The following PFKP variants were observed in gnomAD, a reference collection of about 807,000 sequenced individuals.
PFKP encodes the protein ATP-dependent 6-phosphofructokinase, platelet type.
In PFKP, 101 loss-of-function variants were observed where a neutral mutation model predicts 94.3. The observed-to-expected ratio is 1.07, with a 90% confidence interval of 0.91 to 1.26. The LOEUF (loss-of-function observed/expected upper bound fraction) is 1.26, where lower values mean the gene tolerates loss of function less well. Ranked by LOEUF, PFKP falls within the 50% of genes most tolerant of loss-of-function variation. The pLI, the probability that PFKP is intolerant of heterozygous loss-of-function variation, is 0.00. For missense variants in PFKP, 1,145 were observed against 1,103.3 expected (o/e 1.04, Z -0.53); for synonymous variants, 573 against 432.6 (o/e 1.32, Z -4.03).
intron 1 of PFKP, among the ~76,000 whole-genome samples, chr10:3,080,764 C>G (rs1442410144): frequency 6.6e-6 from 1 of 152,024 alleles, no homozygotes; most frequent in African/African-American, 2.4e-5. Context: ...AGAGAAAAAG[C>G]TGTTGTAATC....
intron 16 of PFKP, among the ~76,000 whole-genome samples, chr10:3,125,725 C>T (rs911370232): frequency 2.6e-5 from 4 of 152,240 alleles, no homozygotes; most frequent in African/African-American, 7.2e-5. Context: ...CCTGGGCAGG[C>T]GGTTTCACCA....
chr10:3,107,223 C>G lies in PFKP; in HGVS notation c.784C>G (p.Arg262Gly), dbSNP rs150395911. Residue 262 changes from arginine (R) to glycine (G), a missense_variant, in exon 8 of 22, where the codon CGG (arginine) becomes GGG (glycine). By Grantham distance (125) the Arg-to-Gly change is moderately radical (BLOSUM62 -2). This residue lies in a region of PFKP where 1,119 missense variants were observed against 1,062.8 expected (regional missense o/e 1.05). Coordinates refer to ENST00000381125, the MANE Select transcript of PFKP (RefSeq NM_002627.5). ...MCVKLSENRARKKRLNIIIVA... is the reference protein window; with the variant it reads ...MCVKLSENRAGKKRLNIIIVA... ...TTTTCTGTCTCCACAGAACCGTGCC[C>G]GGAAAAAAAGGCTGAATATTATTAT... The G allele has an allele frequency of 1.2e-6, 2 of 1,606,256 alleles. No homozygotes were observed. The highest frequency in any genetic ancestry group is 1.7e-6 in the Non-Finnish European group (2 of 1,174,130).
intron 4 of PFKP, among the ~76,000 whole-genome samples, chr10:3,103,104 T>G (rs1835180696): frequency 6.6e-6 from 1 of 152,256 alleles, no homozygotes. Context: ...GATGGCCTAG[T>G]GTCTTAGATT....
In PFKP at chr10:3,136,602, T is replaced by C. The variant is rs1345492380; in HGVS notation, c.*23T>C. On this transcript the variant is annotated 3_prime_UTR_variant, in exon 22 of 22. Transcript: ENST00000381125. The stretch of plus-strand genomic sequence containing the variant: ...TGACCCAGTCCCGCCTGCATGTGCC[T>C]GCAGCCACCGTGGACTGTCTGTTTT... 1 of 1,611,806 alleles carries C rather than the reference T, an allele frequency of 6.2e-7. No homozygotes were observed.
chr10:3,114,810 T>C (rs1836625876), intron 13 of PFKP, among the ~76,000 whole-genome samples: 1 of 152,194 alleles, frequency 6.6e-6, no homozygotes, highest in African/African-American at 2.4e-5. Context: ...CCGGCTTCTT[T>C]GTGGGCAGCC....
At chr10:3,107,577 A>G (rs547044973) in intron 8 of PFKP, among the ~76,000 whole-genome samples, 9 of 152,362 alleles carry the variant, frequency 5.9e-5, no homozygotes, top group African/African-American at 1.4e-4. Context: ...TCGAGTGGCC[A>G]CGCGTGTTCT....
chr10:3,116,341 C>A (rs116928009), intron 13 of PFKP, among the ~76,000 whole-genome samples: 1 of 152,234 alleles, frequency 6.6e-6, no homozygotes, highest in South Asian at 2.1e-4. Flanking sequence ...CTGCCGTCCT[C>A]GCAGTGGCAT....
At chr10:3,086,969 T>TTGGGAGGTAAAAC (rs1833652746) in intron 2 of PFKP, among the ~76,000 whole-genome samples, 1 of 152,044 alleles carries the variant, frequency 6.6e-6, no homozygotes, top group Non-Finnish European at 1.5e-5. Flanking sequence ...CTGGGCTTTC[T>TTGGGAGGTAAAAC]CTGATGTTTG....
intron 7 of PFKP, among the ~76,000 whole-genome samples, chr10:3,105,910 G>A (rs1217950773): frequency 2.6e-5 from 4 of 152,208 alleles, no homozygotes; most frequent in Non-Finnish European, 1.5e-5. Context: ...TGGTCGCTAT[G>A]TTCCTTTCAT....
intron 1 of PFKP, 100 bp downstream of exon 1, chr10:3,067,807 C>T: frequency 6.3e-6 from 3 of 473,522 alleles, no homozygotes; most frequent in Non-Finnish European, 1.0e-5. Flanking sequence ...AGGGGGGAAG[C>T]GATGGGGGGG....
At chr10:3,119,410 A>T (rs555678006) in intron 15 of PFKP, among the ~76,000 whole-genome samples, 1 of 151,938 alleles carries the variant, frequency 6.6e-6, no homozygotes, top group African/African-American at 2.4e-5. Flanking sequence ...GTTCAAGACC[A>T]GCCTGACCAA....
chr10:3,119,762 GAGTGTT>G, intron 15 of PFKP, 124 bp from the exon 16 acceptor site: 4 of 663,996 alleles, frequency 6.0e-6, no homozygotes, highest in Middle Eastern at 4.1e-4. Flanking sequence ...GTTGATCTCG[GAGTGTT>G]TTCGTGATGC....
At chr10:3,077,014 G>T (rs538555522) in intron 1 of PFKP, among the ~76,000 whole-genome samples, 1 of 152,266 alleles carries the variant, frequency 6.6e-6, no homozygotes, top group South Asian at 2.1e-4. Flanking sequence ...TGAGATCAGC[G>T]CGGTGTAAGC....
At chr10:3,123,859 C>T (rs11251733) in intron 16 of PFKP, among the ~76,000 whole-genome samples, 58,423 of 152,242 alleles carry the variant, frequency 0.38, 11,937 homozygotes, top group Non-Finnish European at 0.47. Context: ...CTGCACAGAG[C>T]GGCCCAAGAG....
chr10:3,127,244 A>G (rs1838051919), intron 16 of PFKP, among the ~76,000 whole-genome samples: 1 of 152,254 alleles, frequency 6.6e-6, no homozygotes, highest in Non-Finnish European at 1.5e-5. Flanking sequence ...CGCTGCGTTT[A>G]CACTGAGACG....
intron 4 of PFKP, among the ~76,000 whole-genome samples, chr10:3,102,253 A>AAAAAAAAAAC (rs1331342253): frequency 1.6e-4 from 10 of 62,654 alleles, no homozygotes; most frequent in Non-Finnish European, 3.9e-4. Flanking sequence ...TCTGTCTCAA[A>AAAAAAAAAAC]AAAAAAAAAA....
At chr10:3,128,347 G>A (rs1162373336) in intron 16 of PFKP, among the ~76,000 whole-genome samples, 1 of 152,114 alleles carries the variant, frequency 6.6e-6, no homozygotes, top group African/African-American at 2.4e-5. Context: ...GGGTGGCTCC[G>A]AGAGCCCCTG....
intron 2 of PFKP, among the ~76,000 whole-genome samples, chr10:3,083,539 CATT>C (rs1379572704): frequency 6.6e-6 from 1 of 152,032 alleles, no homozygotes; most frequent in Non-Finnish European, 1.5e-5. Context: ...GAAACACACA[CATT>C]AGGAAAAGTA....
Position 3,101,570 on chromosome 10 carries a change from C to T in PFKP, c.454+16C>T, listed in dbSNP as rs367708751. 30 of 1,494,918 alleles carry T rather than the reference C, an allele frequency of 2.0e-5. No individual in the cohort carries two copies. Among genetic ancestry groups the T allele is most frequent in the Non-Finnish European group, 2.4e-5 (27 of 1,120,424 alleles). 92.6% of individuals were successfully genotyped at this position (1,494,918 alleles called of 1,614,324 possible). A position where few individuals can be genotyped will look rare whatever the true frequency, so the allele number is the denominator to read the frequency against. On this transcript the variant is annotated intron_variant, in intron 4 of 21. Coordinates refer to ENST00000381125, the MANE Select transcript of PFKP (RefSeq NM_002627.5). ...GCCAGGAACGGTGAGTGGACACCTGCTCCTCTGTCCTGCGGGTTTTCGCCC... is the reference window on the plus strand; with the variant it reads ...GCCAGGAACGGTGAGTGGACACCTGTTCCTCTGTCCTGCGGGTTTTCGCCC...
Sources: gnomAD v4.1 joint callset for allele counts (sites outside exome capture counted in the v4.1 genomes callset) on GRCh38, gnomAD v4.1.1 for gene constraint, gnomAD v4.1.1 regional missense constraint, MANE v1.5 for transcripts, NCBI Gene and HGNC (gene_info 2026-07-23, HGNC 2026-07-21) for gene names.